Variants in CPA6 observed in about 807,000 individuals in gnomAD.
CPA6 encodes the protein carboxypeptidase B.
In CPA6, 58 loss-of-function variants were observed where a neutral mutation model predicts 63.3. That is an observed-to-expected ratio of 0.92 (90% confidence interval 0.74 to 1.14). CPA6 has a LOEUF of 1.14. CPA6 is among the 50% of genes most tolerant of loss of function. The pLI, the probability that CPA6 is intolerant of heterozygous loss-of-function variation, is 0.00. For missense variants in CPA6, 565 were observed against 526.6 expected (o/e 1.07, Z -0.71); for synonymous variants, 185 against 179.0 (o/e 1.03, Z -0.27).
intron 2 of CPA6, among the ~76,000 whole-genome samples, chr8:67,583,117 T>A (rs778133855): frequency 6.6e-6 from 1 of 151,372 alleles, no homozygotes; most frequent in Non-Finnish European, 1.5e-5. Context: ...GGGATCACGA[T>A]TGATTTCAAT....
At chr8:67,666,386 G>A (rs2128993630) in intron 1 of CPA6, among the ~76,000 whole-genome samples, 1 of 152,290 alleles carries the variant, frequency 6.6e-6, no homozygotes, top group Non-Finnish European at 1.5e-5. Flanking sequence ...ACAGGTGCAA[G>A]GAGATCTCAG....
intron 1 of CPA6, among the ~76,000 whole-genome samples, chr8:67,693,571 A>G (rs79888391): frequency 2.6e-5 from 4 of 152,220 alleles, no homozygotes; most frequent in Admixed American, 2.6e-4. Flanking sequence ...GGAAGTGATT[A>G]GGTTGTAAAG....
intron 2 of CPA6, among the ~76,000 whole-genome samples, chr8:67,614,032 C>A (rs1814877627): frequency 6.6e-6 from 1 of 152,174 alleles, no homozygotes; most frequent in South Asian, 2.1e-4. Flanking sequence ...TTGCATTCAT[C>A]CTTCAAGCCC....
At chr8:67,633,420 G>A (rs544595201) in intron 1 of CPA6, among the ~76,000 whole-genome samples, 36 of 152,210 alleles carry the variant, frequency 2.4e-4, no homozygotes, top group African/African-American at 8.2e-4. Flanking sequence ...GTTGGCTCAC[G>A]CCTGTAATCC....
At chr8:67,569,786 G>A (rs1246154208) in intron 2 of CPA6, 1 of 201,792 alleles carries the variant, frequency 5.0e-6, no homozygotes, top group African/African-American at 2.4e-5. Flanking sequence ...TGGTTTTTAA[G>A]GGAAGCTGAG....
chr8:67,714,096 T>C (rs2129000738), intron 1 of CPA6, among the ~76,000 whole-genome samples: 1 of 152,334 alleles, frequency 6.6e-6, no homozygotes, highest in Non-Finnish European at 1.5e-5. Flanking sequence ...TGCATTTAAA[T>C]GTTCCAAGTA....
chr8:67,504,201 T>C (rs996041133), intron 6 of CPA6, among the ~76,000 whole-genome samples: 1 of 152,348 alleles, frequency 6.6e-6, no homozygotes, highest in Non-Finnish European at 1.5e-5. Flanking sequence ...TCTGAGGCTC[T>C]ATCAGGATCC....
chr8:67,616,114 T>C (rs1814941518), intron 2 of CPA6, among the ~76,000 whole-genome samples: 2 of 152,108 alleles, frequency 1.3e-5, no homozygotes, highest in Admixed American at 1.3e-4. Flanking sequence ...CATAATCCCC[T>C]AGGGAGCTTA....
At chr8:67,453,122 G>C (rs1404124840) in intron 8 of CPA6, among the ~76,000 whole-genome samples, 1 of 152,132 alleles carries the variant, frequency 6.6e-6, no homozygotes, top group Admixed American at 6.6e-5. Flanking sequence ...TGTCTGTGTG[G>C]GTGGCAGGGG....
intron 1 of CPA6, among the ~76,000 whole-genome samples, chr8:67,644,804 TA>T (rs561285889): frequency 4.1e-4 from 62 of 152,270 alleles, no homozygotes; most frequent in African/African-American, 1.4e-3. Flanking sequence ...CAGCTGTCAT[TA>T]AGCTGTGGTA....
chr8:67,618,172 G>A lies in CPA6; in HGVS notation c.192+6004C>T, dbSNP rs376544223. The stretch of plus-strand genomic sequence containing the variant: ...GCCAAGAGTCTTGGGGGCCATCCTA[G>A]AATTCTGCCTACCATGGCCACGATT... On this transcript the variant is annotated intron_variant, in intron 2 of 10. Transcript: ENST00000297770. 7.2e-5 allele frequency among the ~76,000 whole-genome samples: 11 copies of A among 152,282 alleles called. 1 individual carries two copies. The highest frequency in any genetic ancestry group is 2.6e-4 in the Admixed American group (4 of 15,300).
At chr8:67,573,891 CAAAAAAA>C (rs34145304) in intron 2 of CPA6, among the ~76,000 whole-genome samples, 2 of 33,494 alleles carry the variant, frequency 6.0e-5, no homozygotes, top group African/African-American at 1.1e-4. Context: ...GACTCCGTCT[CAAAAAAA>C]AAAAAAAAAA....
At chr8:67,680,289 C>T (rs1425159294) in intron 1 of CPA6, among the ~76,000 whole-genome samples, 1 of 151,946 alleles carries the variant, frequency 6.6e-6, no homozygotes, top group African/African-American at 2.4e-5. Context: ...ATTGCTTGAG[C>T]CCAGGAGTTC....
intron 2 of CPA6, among the ~76,000 whole-genome samples, chr8:67,530,334 T>C (rs1236625668): frequency 6.6e-6 from 1 of 152,040 alleles, no homozygotes; most frequent in Admixed American, 6.5e-5. Context: ...AGAAAAATTT[T>C]CAGAACTGAA....
chr8:67,515,650 C>A (rs938376462), intron 3 of CPA6, among the ~76,000 whole-genome samples: 1 of 152,104 alleles, frequency 6.6e-6, no homozygotes, highest in Non-Finnish European at 1.5e-5. Context: ...ATGTTCCTGC[C>A]CCAGAAGTAC....
At chr8:67,565,167 TTTC>T (rs374057390) in intron 2 of CPA6, among the ~76,000 whole-genome samples, 4 of 110,464 alleles carry the variant, frequency 3.6e-5, no homozygotes, top group African/African-American at 1.1e-4. Flanking sequence ...TTTCTTTTTC[TTTC>T]TTTTTTTTTT....
At chr8:67,467,328 C>A (rs1347301390) in intron 8 of CPA6, among the ~76,000 whole-genome samples, 1 of 152,140 alleles carries the variant, frequency 6.6e-6, no homozygotes, top group African/African-American at 2.4e-5. Context: ...TAGGCTAGAC[C>A]TTTTATAATA....
At chr8:67,705,628 C>T (rs531913332) in intron 1 of CPA6, among the ~76,000 whole-genome samples, 12 of 152,176 alleles carry the variant, frequency 7.9e-5, no homozygotes, top group Non-Finnish European at 1.3e-4. Flanking sequence ...TTAATATTCA[C>T]ATGATCTCTG....
At chr8:67,521,135 C>T (rs188090581) in intron 2 of CPA6, among the ~76,000 whole-genome samples, 3 of 152,366 alleles carry the variant, frequency 2.0e-5, no homozygotes, top group Admixed American at 2.0e-4. Context: ...TGTTTGCCAA[C>T]CATTCCAGGT....
Sources: allele counts gnomAD v4.1 joint callset (sites outside exome capture counted in the v4.1 genomes callset), GRCh38; gene constraint gnomAD v4.1.1; transcripts MANE v1.5; gene names NCBI Gene and HGNC (gene_info 2026-07-23, HGNC 2026-07-21).